The following GRIP1 variants were observed in gnomAD, a reference collection of about 807,000 sequenced individuals.
GRIP1 encodes glutamate receptor interacting protein 1.
A neutral mutation model predicts 129.9 loss-of-function variants in GRIP1; 45 were observed. The observed-to-expected ratio is 0.35, with a 90% CI of 0.27 to 0.44. The LOEUF is 0.44. Ranked by LOEUF, GRIP1 falls within the 20% of genes least tolerant of loss-of-function variation. The probability of loss-of-function intolerance (pLI) is 1.00; values close to 1 mark genes in which losing one functional copy is unlikely to be tolerated. For missense variants in GRIP1, 1,196 were observed against 1,396.8 expected, an observed-to-expected ratio of 0.86 and a Z score of 2.29; for synonymous variants, 530 against 520.8, an observed-to-expected ratio of 1.02 and a Z score of -0.24.
chr12:67,058,627 T>G (rs992188837), intron 1 of GRIP1, among the ~76,000 whole-genome samples: 1 of 152,222 alleles, frequency 6.6e-6, no homozygotes, highest in South Asian at 2.1e-4. Flanking sequence ...AACTATTAAG[T>G]GAGAAAAGTT....
At chr12:66,525,115 G>C (rs2061176876) in intron 5 of GRIP1, among the ~76,000 whole-genome samples, 1 of 152,214 alleles carries the variant, frequency 6.6e-6, no homozygotes, top group Admixed American at 6.5e-5. Context: ...GGAGGAGCTG[G>C]TGCCATTCCT....
chr12:66,678,657 A>G (rs976667995), intron 1 of GRIP1, among the ~76,000 whole-genome samples, 193 bp downstream of exon 1: 6 of 152,190 alleles, frequency 3.9e-5, no homozygotes, highest in Non-Finnish European at 8.8e-5. Context: ...CAGCACGAAC[A>G]CAACCGAGAT....
At chr12:66,645,093 A>G (rs968345674) in intron 1 of GRIP1, among the ~76,000 whole-genome samples, 2 of 152,198 alleles carry the variant, frequency 1.3e-5, no homozygotes, top group Non-Finnish European at 2.9e-5. Context: ...TAGTTTTATC[A>G]TGGTATCTTT....
chr12:66,630,531 T>A (rs2030655922), intron 1 of GRIP1, among the ~76,000 whole-genome samples: 1 of 152,078 alleles, frequency 6.6e-6, no homozygotes, highest in Non-Finnish European at 1.5e-5. Flanking sequence ...ATTTGCCAGG[T>A]GAGAAAAGTA....
At chr12:66,461,588 C>T (rs1020429031) in intron 9 of GRIP1, among the ~76,000 whole-genome samples, 2 of 152,162 alleles carry the variant, frequency 1.3e-5, no homozygotes, top group Admixed American at 6.5e-5. Context: ...CATCATTTCT[C>T]TACTCCAATG....
intron 1 of GRIP1, among the ~76,000 whole-genome samples, chr12:66,885,243 A>G (rs1356743527): frequency 6.6e-6 from 1 of 152,156 alleles, no homozygotes; most frequent in African/African-American, 2.4e-5. Flanking sequence ...GCTGCCACAG[A>G]GAAGAAATGC....
At chr12:67,048,852 C>T (rs895612812) in intron 1 of GRIP1, among the ~76,000 whole-genome samples, 1 of 152,194 alleles carries the variant, frequency 6.6e-6, no homozygotes, top group Non-Finnish European at 1.5e-5. Context: ...ACCTCCTTGC[C>T]TTCCACCATG....
At chr12:67,041,717 A>AG (rs575629878) in intron 1 of GRIP1, among the ~76,000 whole-genome samples, 18 of 149,036 alleles carry the variant, frequency 1.2e-4, no homozygotes, top group Admixed American at 1.1e-3. Flanking sequence ...TTTTTTTTGG[A>AG]GGGGGGCGGA....
intron 1 of GRIP1, among the ~76,000 whole-genome samples, chr12:66,891,082 A>G (rs971056921): frequency 6.6e-6 from 1 of 152,264 alleles, no homozygotes; most frequent in Non-Finnish European, 1.5e-5. Flanking sequence ...GAAGTCATGT[A>G]TACTTCAATA....
chr12:66,969,043 T>C (rs2042036133), intron 1 of GRIP1, among the ~76,000 whole-genome samples: 2 of 152,180 alleles, frequency 1.3e-5, no homozygotes, highest in African/African-American at 4.8e-5. Context: ...CTTTAAGTAT[T>C]TTTCTTCACT....
chr12:66,416,298 C>CA (rs2057601270), intron 15 of GRIP1, among the ~76,000 whole-genome samples: 1 of 151,854 alleles, frequency 6.6e-6, no homozygotes, highest in South Asian at 2.1e-4. Flanking sequence ...GTGCCTACAT[C>CA]AAAAAAGAAC....
chr12:66,794,490 G>C (rs1006782332), intron 1 of GRIP1, among the ~76,000 whole-genome samples: 1 of 152,130 alleles, frequency 6.6e-6, no homozygotes, highest in Admixed American at 6.6e-5. Flanking sequence ...GAGTGAGCAG[G>C]GTTGTGGGAA....
At chr12:66,730,122 T>C (rs1387401793) in intron 1 of GRIP1, among the ~76,000 whole-genome samples, 1 of 152,256 alleles carries the variant, frequency 6.6e-6, no homozygotes, top group African/African-American at 2.4e-5. Flanking sequence ...ACTTGATAGC[T>C]GTAAAATGAC....
intron 3 of GRIP1, among the ~76,000 whole-genome samples, chr12:66,539,566 T>TTTTTA (rs2061711084): frequency 6.7e-6 from 1 of 148,478 alleles, no homozygotes; most frequent in African/African-American, 2.5e-5. Flanking sequence ...TTTTTTTTTT[T>TTTTTA]TTTCAGTTCT....
At chr12:66,443,429 T>C (rs1012235094) in intron 13 of GRIP1, among the ~76,000 whole-genome samples, 1 of 148,678 alleles carries the variant, frequency 6.7e-6, no homozygotes, top group African/African-American at 2.5e-5. Context: ...TACCGCAATA[T>C]TTTTTTTTTC....
intron 1 of GRIP1, among the ~76,000 whole-genome samples, chr12:66,941,853 T>A (rs1283306957): frequency 6.6e-6 from 1 of 152,238 alleles, no homozygotes; most frequent in East Asian, 1.9e-4. Flanking sequence ...TTGTTTACAA[T>A]CCATATCTGT....
At chr12:67,048,365 C>G (rs1255230656) in intron 1 of GRIP1, among the ~76,000 whole-genome samples, 1 of 152,180 alleles carries the variant, frequency 6.6e-6, no homozygotes, top group Non-Finnish European at 1.5e-5. Context: ...TACAGATATG[C>G]ACCGTTCACA....
At chr12:67,010,330 A>T (rs1189629893) in intron 1 of GRIP1, among the ~76,000 whole-genome samples, 2 of 152,216 alleles carry the variant, frequency 1.3e-5, no homozygotes, top group Non-Finnish European at 2.9e-5. Context: ...GTTTAGAAAG[A>T]CATAGGTGTT....
chr12:66,978,716 T>C (rs977639011), intron 1 of GRIP1, among the ~76,000 whole-genome samples: 3 of 152,188 alleles, frequency 2.0e-5, no homozygotes, highest in African/African-American at 4.8e-5. Flanking sequence ...AGACAAAAAG[T>C]AGATAAAAAT....
Sources: allele counts gnomAD v4.1 joint callset (sites outside exome capture counted in the v4.1 genomes callset), GRCh38; gene constraint gnomAD v4.1.1; transcripts MANE v1.5; gene names NCBI Gene and HGNC (gene_info 2026-07-23, HGNC 2026-07-21).